Variants in FTCDNL1 observed in about 807,000 individuals in gnomAD.
The protein encoded by FTCDNL1 is formiminotransferase cyclodeaminase N-terminal like, also known as formiminotransferase N-terminal subdomain-containing protein.
In FTCDNL1, 11 loss-of-function variants were observed where a neutral mutation model predicts 5.9. That is an observed-to-expected ratio of 1.87 (90% CI 1.18 to 3.10). FTCDNL1 has a LOEUF of 3.10. Among genes scored for constraint, FTCDNL1 ranks in the 30% most tolerant of loss-of-function variants. The pLI is 0.00. For missense variants in FTCDNL1, 115 were observed against 65.5 expected (o/e 1.76, Z -2.61); for synonymous variants, 58 against 24.8 (o/e 2.34, Z -3.99).
the FTCDNL1 span, among the ~76,000 whole-genome samples, chr2:199,740,710 C>T: frequency 2.0e-5 from 3 of 152,124 alleles, no homozygotes; most frequent in African/African-American, 4.8e-5. Context: ...TCTCCTGTAG[C>T]CTCTTTGAGT....
At chr2:199,727,845 T>C in the FTCDNL1 span, among the ~76,000 whole-genome samples, 11 of 152,214 alleles carry the variant, frequency 7.2e-5, no homozygotes, top group African/African-American at 2.4e-4. Flanking sequence ...GTTGAACATA[T>C]AAAGGCAACC....
At chr2:199,775,775 A>G (rs1217425408) in intron 3 of FTCDNL1, among the ~76,000 whole-genome samples, 1 of 152,196 alleles carries the variant, frequency 6.6e-6, no homozygotes, top group Admixed American at 6.5e-5. Context: ...TGAGGACCTT[A>G]TAGGTTCCAG....
intron 3 of FTCDNL1, among the ~76,000 whole-genome samples, chr2:199,826,640 CA>C (rs1337840101): frequency 6.6e-6 from 1 of 152,022 alleles, no homozygotes; most frequent in African/African-American, 2.4e-5. Context: ...ACTAAAAATA[CA>C]AAAATTAGCT....
At chr2:199,707,681 G>T in the FTCDNL1 span, among the ~76,000 whole-genome samples, 1 of 151,390 alleles carries the variant, frequency 6.6e-6, no homozygotes, top group South Asian at 2.1e-4. Context: ...ATTCAAACTT[G>T]TTTTTTCTCC....
At chr2:199,829,178 G>T (rs759622770) in intron 3 of FTCDNL1, among the ~76,000 whole-genome samples, 11 of 151,834 alleles carry the variant, frequency 7.2e-5, no homozygotes, top group Non-Finnish European at 1.5e-4. Context: ...TAAAAGACCA[G>T]TTTTTTTTAG....
downstream of FTCDNL1, among the ~76,000 whole-genome samples, chr2:199,806,919 G>T (rs1445077575): frequency 6.6e-6 from 1 of 152,176 alleles, no homozygotes; most frequent in Admixed American, 6.5e-5. Context: ...ATCAATTTTG[G>T]CCTCTTCACA....
chr2:199,707,935 T>C, the FTCDNL1 span, among the ~76,000 whole-genome samples: 1 of 152,092 alleles, frequency 6.6e-6, no homozygotes, highest in Non-Finnish European at 1.5e-5. Context: ...TTCTTTACAT[T>C]TGTACTGTAT....
In FTCDNL1 at chr2:199,786,698, G is replaced by A. The variant is rs77583714; in HGVS notation, c.212-25863C>T. ...TCATATTTTAATGTCTTGAGATCAGGGTGAACCTTCAAATTGCTGTTAGCC... is the reference window on the plus strand; with the variant it reads ...TCATATTTTAATGTCTTGAGATCAGAGTGAACCTTCAAATTGCTGTTAGCC... On this transcript the variant is annotated intron_variant, in intron 3 of 3. Coordinates refer to the FTCDNL1 transcript ENST00000416668. 9.2e-3 allele frequency among the ~76,000 whole-genome samples: 1,397 copies of A among 152,138 alleles called. 22 individuals are homozygous for A. The highest frequency in any genetic ancestry group is 0.031 in the African/African-American group (1,291 of 41,510).
rs369208198 is a variant in FTCDNL1, at chr2:199,778,342, C to T, written c.212-17507G>A. 3.3e-5 allele frequency among the ~76,000 whole-genome samples: 5 copies of T among 152,200 alleles called. No homozygotes were observed. In the East Asian group the frequency reaches 9.6e-4, roughly 29 times the overall value. On this transcript the variant is annotated intron_variant, in intron 3 of 3. Coordinates refer to the FTCDNL1 transcript ENST00000416668. ...GTACTGAGGAATAAAAAACTGGGAA[C>T]ATGGTAGAAACACAGAAAAATGGTG...
At chr2:199,785,558 G>A (rs1699600858) in intron 3 of FTCDNL1, 1 of 152,026 alleles carries the variant, frequency 6.6e-6, no homozygotes, top group Non-Finnish European at 1.5e-5. Context: ...TTCTTAAGTT[G>A]TAGTCCTTTT....
chr2:199,683,899 A>C, the FTCDNL1 span, among the ~76,000 whole-genome samples: 1 of 152,186 alleles, frequency 6.6e-6, no homozygotes, highest in Admixed American at 6.5e-5. Context: ...AACCAGGAGA[A>C]TTAAGACATG....
At chr2:199,733,020 C>T in the FTCDNL1 span, among the ~76,000 whole-genome samples, 1 of 152,130 alleles carries the variant, frequency 6.6e-6, no homozygotes, top group African/African-American at 2.4e-5. Context: ...TACAAAGCAC[C>T]ATAGAGCTGG....
chr2:199,821,764 G>T (rs1701708130), intron 3 of FTCDNL1, among the ~76,000 whole-genome samples: 1 of 152,184 alleles, frequency 6.6e-6, no homozygotes, highest in Admixed American at 6.5e-5. Context: ...CGCCCAGCCT[G>T]GGAAATGTTC....
In FTCDNL1 at chr2:199,841,304, T is replaced by G. The variant is rs183697532; in HGVS notation, c.211+4771A>C. ...GGGAAGGCTGAGACAGGAGAATCGCTTGAACACAGGAGGCGGGGTTTGCAG... is the reference window on the plus strand; with the variant it reads ...GGGAAGGCTGAGACAGGAGAATCGCGTGAACACAGGAGGCGGGGTTTGCAG... On this transcript the variant is annotated intron_variant, in intron 3 of 4. Coordinates refer to ENST00000420128, the MANE Select transcript of FTCDNL1 (RefSeq NM_001363886.2). Among the ~76,000 whole-genome samples, 501 of 152,192 alleles carry G rather than the reference T, an allele frequency of 3.3e-3. 2 individuals carry two copies. The highest frequency in any genetic ancestry group is 0.011 in the African/African-American group (464 of 41,500).
the FTCDNL1 span, among the ~76,000 whole-genome samples, chr2:199,751,622 G>A: frequency 0.063 from 9,606 of 152,032 alleles, 589 homozygotes; most frequent in Admixed American, 0.15. Context: ...ATTGTGAAGT[G>A]AGCTGCAGGG....
At chr2:199,695,650 G>A in the FTCDNL1 span, among the ~76,000 whole-genome samples, 1 of 152,102 alleles carries the variant, frequency 6.6e-6, no homozygotes, top group East Asian at 1.9e-4. Flanking sequence ...AATGAGTGTA[G>A]AGTGACCCAC....
At chr2:199,829,724 T>C (rs925694725) in intron 3 of FTCDNL1, among the ~76,000 whole-genome samples, 10 of 152,200 alleles carry the variant, frequency 6.6e-5, no homozygotes, top group South Asian at 2.1e-4. Context: ...GGACTACCGA[T>C]ATAAATGGAC....
intron 3 of FTCDNL1, among the ~76,000 whole-genome samples, chr2:199,802,581 T>A (rs1700511672): frequency 6.6e-6 from 1 of 152,182 alleles, no homozygotes; most frequent in Non-Finnish European, 1.5e-5. Context: ...CCTCACCTGG[T>A]GGCAATTTTC....
the FTCDNL1 span, among the ~76,000 whole-genome samples, chr2:199,753,682 C>G: frequency 3.3e-5 from 5 of 152,166 alleles, no homozygotes; most frequent in African/African-American, 4.8e-5. Context: ...CTCTCCCCTT[C>G]GGTTTGTTGC....
Sources: gnomAD v4.1 joint callset for allele counts (sites outside exome capture counted in the v4.1 genomes callset) on GRCh38, gnomAD v4.1.1 for gene constraint, MANE v1.5 for transcripts, NCBI Gene and HGNC (gene_info 2026-07-23, HGNC 2026-07-21) for gene names.